DOCK5: variants seen among roughly 807,000 people sequenced by gnomAD.
DOCK5 encodes the protein dedicator of cytokinesis protein 5.
DOCK5 carries 142 observed loss-of-function variants against 251.8 expected under a neutral mutation model. That is an observed-to-expected ratio of 0.56 (90% CI 0.49 to 0.65). DOCK5 has a LOEUF of 0.65. Ranked by LOEUF, DOCK5 falls within the 30% of genes least tolerant of loss-of-function variation. The pLI is 0.00. For missense variants in DOCK5, 2,111 were observed against 2,312.3 expected, an observed-to-expected ratio of 0.91 and a Z score of 1.79; for synonymous variants, 842 against 835.5, an observed-to-expected ratio of 1.01 and a Z score of -0.13.
chr8:25,410,997 ACGCACGCG>A (rs1257274143), intron 51 of DOCK5, among the ~76,000 whole-genome samples, 189 bp from the exon 52 acceptor site: 6 of 88,852 alleles, frequency 6.8e-5, no homozygotes, highest in South Asian at 4.0e-4. Context: ...GCACGCACGC[ACGCACGCG>A]TGTGTCTGAT....
At chr8:25,223,915 C>G (rs1210104053) in intron 1 of DOCK5, among the ~76,000 whole-genome samples, 1 of 152,162 alleles carries the variant, frequency 6.6e-6, no homozygotes, top group Non-Finnish European at 1.5e-5. Flanking sequence ...TTTCCCTGAC[C>G]ATGCTTTGTA....
intron 45 of DOCK5, among the ~76,000 whole-genome samples, chr8:25,398,986 C>G (rs1014064935): frequency 6.6e-6 from 1 of 152,088 alleles, no homozygotes; most frequent in South Asian, 2.1e-4. Flanking sequence ...TCCTGTAGTT[C>G]CAGGAGCTCT....
At chr8:25,299,981 C>T (rs1336828726) in intron 8 of DOCK5, among the ~76,000 whole-genome samples, 4 of 152,086 alleles carry the variant, frequency 2.6e-5, no homozygotes, top group Non-Finnish European at 5.9e-5. Flanking sequence ...TAGCTCTTGT[C>T]GTACAGGCCC....
At chr8:25,390,949 C>A (rs539167440) in intron 42 of DOCK5, among the ~76,000 whole-genome samples, 111 of 152,138 alleles carry the variant, frequency 7.3e-4, no homozygotes, top group Admixed American at 3.5e-3. Flanking sequence ...GCTGGGATTA[C>A]AGGTACACGC....
intron 9 of DOCK5, 52 bp from the exon 10 acceptor site, chr8:25,302,273 G>A (rs879273754): frequency 1.3e-5 from 20 of 1,536,214 alleles, no homozygotes; most frequent in Non-Finnish European, 1.8e-5. Flanking sequence ...AGAGACACAG[G>A]TGACACAGTG....
chr8:25,249,700 C>T (rs1054718522), intron 2 of DOCK5, among the ~76,000 whole-genome samples: 2 of 152,228 alleles, frequency 1.3e-5, no homozygotes, highest in Non-Finnish European at 2.9e-5. Flanking sequence ...AATCCTCCTA[C>T]TCCAGCCTCC....
chr8:25,287,469 G>A (rs995664877), intron 5 of DOCK5, among the ~76,000 whole-genome samples: 3 of 151,972 alleles, frequency 2.0e-5, no homozygotes, highest in African/African-American at 7.3e-5. Context: ...CAAAAAGTGA[G>A]GCTTCAGGTA....
At position 25,226,410 on chromosome 8, in the gene DOCK5, G is replaced by A. The variant is rs894784927; in HGVS notation, c.44-17264G>A. On this transcript the variant is annotated intron_variant, in intron 1 of 51. Transcript: ENST00000276440. The stretch of plus-strand genomic sequence containing the variant: ...CCTGAGTAGCTGGGATTACAGGCTC[G>A]TGCCACCATGCCTAGCTAATTTTTT... Among the ~76,000 whole-genome samples the A allele has an allele frequency of 3.4e-5, 5 of 149,062 alleles. No homozygotes were observed. The South Asian group carries it at 6.4e-4, about 19-fold the overall frequency.
chr8:25,316,144 T>TGC (rs1805244780), intron 13 of DOCK5, among the ~76,000 whole-genome samples: 1 of 152,198 alleles, frequency 6.6e-6, no homozygotes, highest in African/African-American at 2.4e-5. Context: ...GCAGAAAGCA[T>TGC]TCTTTCATTG....
At chr8:25,332,796 T>C in intron 20 of DOCK5, 104 bp downstream of exon 20, 1 of 833,144 alleles carries the variant, frequency 1.2e-6, no homozygotes, top group Non-Finnish European at 1.8e-6. Context: ...ACATAAATAT[T>C]TGTTTACATC....
chr8:25,262,001 A>G (rs1307021288), intron 2 of DOCK5, among the ~76,000 whole-genome samples: 5 of 152,234 alleles, frequency 3.3e-5, no homozygotes, highest in Non-Finnish European at 5.9e-5. Flanking sequence ...ATAGTAAGTA[A>G]TATATACATA....
intron 13 of DOCK5, among the ~76,000 whole-genome samples, chr8:25,313,496 C>A (rs1387240249): frequency 2.0e-5 from 3 of 152,188 alleles, no homozygotes; most frequent in African/African-American, 7.2e-5. Context: ...AACCCCTTTG[C>A]CACCTTCTCA....
rs148376172 is a variant in DOCK5, at chr8:25,395,689, C to T, written c.4674C>T (p.Ala1558=). ...SMLLSGIVDP[A]VMGGFSNYEK... is the part of the protein sequence containing the mutation. ...TGCTCAGTGGCATCGTGGACCCGGC[C>T]GTCATGGGGGGCTTCTCCAACTATG... Residue 1558 remains alanine (A), a synonymous_variant, in exon 45 of 52, where the codon GCC becomes GCT. Transcript: ENST00000276440. 4.9e-4 allele frequency: 786 copies of T among 1,613,776 alleles called. No individual in the cohort carries two copies. The highest frequency in any genetic ancestry group is 5.7e-4 in the Non-Finnish European group (678 of 1,179,834).
intron 27 of DOCK5, 63 bp from the exon 28 acceptor site, chr8:25,358,900 A>G (rs1443272101): frequency 1.4e-6 from 2 of 1,438,212 alleles, no homozygotes; most frequent in Non-Finnish European, 2.0e-6. Flanking sequence ...TGGGGCTCAC[A>G]TAGTGTTTTT....
At chr8:25,353,220 C>A (rs1027514606) in intron 27 of DOCK5, among the ~76,000 whole-genome samples, 1 of 152,092 alleles carries the variant, frequency 6.6e-6, no homozygotes, top group Non-Finnish European at 1.5e-5. Flanking sequence ...AGTGCCTGTA[C>A]GCCCAGCTAC....
At chr8:25,189,555 T>G (rs2117437343) in intron 1 of DOCK5, among the ~76,000 whole-genome samples, 1 of 152,150 alleles carries the variant, frequency 6.6e-6, no homozygotes, top group Non-Finnish European at 1.5e-5. Flanking sequence ...GGGATGGAGT[T>G]TCACCATGTT....
At chr8:25,323,002 A>G (rs1382386108) in intron 16 of DOCK5, among the ~76,000 whole-genome samples, 10 of 152,232 alleles carry the variant, frequency 6.6e-5, no homozygotes, top group African/African-American at 2.2e-4. Context: ...TGATCATACA[A>G]TGGATGACTA....
chr8:25,360,215 G>T (rs1402756213), intron 28 of DOCK5, among the ~76,000 whole-genome samples: 3 of 152,216 alleles, frequency 2.0e-5, no homozygotes, highest in African/African-American at 4.8e-5. Flanking sequence ...CCACATGGTG[G>T]ACAAACATAC....
chr8:25,372,113 C>A (rs770040058), intron 34 of DOCK5, among the ~76,000 whole-genome samples: 2 of 152,222 alleles, frequency 1.3e-5, no homozygotes, highest in Non-Finnish European at 2.9e-5. Context: ...CCAGAATGTT[C>A]AGAGGATGCC....
Sources: gnomAD v4.1 joint callset for allele counts (sites outside exome capture counted in the v4.1 genomes callset) on GRCh38, gnomAD v4.1.1 for gene constraint, MANE v1.5 for transcripts, NCBI Gene and HGNC (gene_info 2026-07-23, HGNC 2026-07-21) for gene names.